Variants in ACBD6 observed in about 807,000 individuals in gnomAD.
ACBD6 encodes acyl-CoA-binding domain-containing protein 6.
A neutral mutation model predicts 37.2 loss-of-function variants in ACBD6; 28 were observed. The ratio of observed to expected loss-of-function variants is 0.75; its 90% confidence interval spans 0.56 to 1.03. The LOEUF (loss-of-function observed/expected upper bound fraction) is 1.03, where lower values mean the gene tolerates loss of function less well. Among genes scored for constraint, ACBD6 ranks in the 50% least tolerant of loss-of-function variants. The pLI is 0.00. For missense variants in ACBD6, 340 were observed against 337.4 expected (o/e 1.01, Z -0.06); for synonymous variants, 113 against 126.8 (o/e 0.89, Z 0.73).
At chr1:180,389,399 C>T (rs1266519805) in intron 6 of ACBD6, among the ~76,000 whole-genome samples, 2 of 152,038 alleles carry the variant, frequency 1.3e-5, no homozygotes, top group African/African-American at 4.8e-5. Context: ...TCCAGTCTAT[C>T]ATTGTTGGAC....
Position 180,289,719 on chromosome 1 carries a change from A to C in ACBD6, c.695-1202T>G, listed in dbSNP as rs75214322. 9.5e-3 allele frequency among the ~76,000 whole-genome samples: 1,447 copies of C among 152,338 alleles called. 21 individuals are homozygous for C. The highest frequency in any genetic ancestry group is 0.033 in the African/African-American group (1,357 of 41,572). ...AAAGTATTGATCACTTGTACAATGA[A>C]ATCCTGTAGAACACTGGAAACTAAT... On this transcript the variant is annotated intron_variant, in intron 7 of 7. Transcript: ENST00000367595.
At chr1:180,363,853 CACAAAATG>C (rs138957667) in intron 6 of ACBD6, among the ~76,000 whole-genome samples, 2,988 of 152,202 alleles carry the variant, frequency 0.02, 100 homozygotes, top group African/African-American at 0.067. Flanking sequence ...TAGAAAGCTC[CACAAAATG>C]GAGAAACCCT....
At chr1:180,302,364 T>C (rs999607936) in intron 7 of ACBD6, among the ~76,000 whole-genome samples, 2 of 152,070 alleles carry the variant, frequency 1.3e-5, no homozygotes, top group Non-Finnish European at 2.9e-5. Context: ...AATATATTCA[T>C]TTAAAAAAAA....
chr1:180,273,629 G>A (rs1648827894), intron 11 of ACBD6: 1 of 153,344 alleles, frequency 6.5e-6, no homozygotes, highest in South Asian at 2.0e-4. Context: ...TGTCCCCAGT[G>A]AAGAGCTTAT....
At chr1:180,415,435 T>C (rs1421404267) in intron 4 of ACBD6, among the ~76,000 whole-genome samples, 4 of 150,816 alleles carry the variant, frequency 2.7e-5, no homozygotes, top group Non-Finnish European at 5.9e-5. Flanking sequence ...AAAAACACCA[T>C]GTCTATGAAA....
chr1:180,470,094 C>A (rs150428748), intron 3 of ACBD6, among the ~76,000 whole-genome samples: 38 of 152,232 alleles, frequency 2.5e-4, no homozygotes, highest in African/African-American at 8.7e-4. Flanking sequence ...TCCACATTAA[C>A]ATTGTTGGTT....
chr1:180,396,989 A>T (rs1449289385), intron 6 of ACBD6, among the ~76,000 whole-genome samples: 2 of 152,208 alleles, frequency 1.3e-5, no homozygotes, highest in Non-Finnish European at 2.9e-5. Context: ...ATAAAAATAC[A>T]AGGACACAAA....
intron 5 of ACBD6, among the ~76,000 whole-genome samples, chr1:180,408,706 C>G (rs181659763): frequency 6.6e-6 from 1 of 151,718 alleles, no homozygotes; most frequent in South Asian, 2.1e-4. Context: ...GATATAATTA[C>G]GTTAGGAGGG....
downstream of ACBD6, among the ~76,000 whole-genome samples, chr1:180,283,850 C>A (rs567324082): frequency 2.0e-5 from 3 of 152,148 alleles, no homozygotes; most frequent in East Asian, 5.8e-4. Context: ...CTCATTGAAG[C>A]ATTTTGGATT....
rs1289661845 is a variant in ACBD6, at chr1:180,288,386, G to A, written c.826C>T (p.Arg276Trp). 9.3e-6 allele frequency: 15 copies of A among 1,613,516 alleles called. No homozygotes were observed. The highest frequency in any genetic ancestry group is 8.8e-5 in the South Asian group (8 of 91,052). ...GATTAAGCCTTGCCAGTTGTGTGCC[G>A]CTGCAGCACCAAAGAAACTGTTTTG... ...GCKTVSLVLQ[R>W]HTTGKA The change falls in exon 8 of 8, where the codon CGG (arginine) becomes TGG (tryptophan). Residue 276 changes from arginine to tryptophan, a missense_variant. Coordinates refer to ENST00000367595, the MANE Select transcript of ACBD6 (RefSeq NM_032360.4).
intron 6 of ACBD6, among the ~76,000 whole-genome samples, chr1:180,357,613 C>T (rs1433271932): frequency 6.6e-6 from 1 of 152,186 alleles, no homozygotes; most frequent in Non-Finnish European, 1.5e-5. Flanking sequence ...ATTAAATGAT[C>T]TAAAACAAGT....
intron 6 of ACBD6, among the ~76,000 whole-genome samples, chr1:180,372,865 G>A (rs943592665): frequency 2.0e-5 from 3 of 152,186 alleles, no homozygotes; most frequent in Admixed American, 2.0e-4. Flanking sequence ...GCCAGTGTCA[G>A]ATAATCTGTC....
chr1:180,274,139 C>G (rs752506962), intron 10 of ACBD6: 5 of 1,612,312 alleles, frequency 3.1e-6, no homozygotes. Flanking sequence ...AGGGGACCAT[C>G]AGAGTCCTGG....
intron 6 of ACBD6, among the ~76,000 whole-genome samples, chr1:180,333,719 C>T (rs899314661): frequency 8.5e-5 from 13 of 152,192 alleles, no homozygotes; most frequent in Admixed American, 2.6e-4. Flanking sequence ...GGCAAGGCAT[C>T]GCCTCACCCG....
intron 6 of ACBD6, among the ~76,000 whole-genome samples, chr1:180,367,215 T>C (rs191418815): frequency 6.6e-6 from 1 of 152,348 alleles, no homozygotes; most frequent in East Asian, 1.9e-4. Flanking sequence ...CCAGAAACTC[T>C]GCCTATGTTT....
chr1:180,478,064 C>T (rs1025032155), intron 3 of ACBD6, among the ~76,000 whole-genome samples: 2 of 151,820 alleles, frequency 1.3e-5, no homozygotes, highest in African/African-American at 2.4e-5. Flanking sequence ...TTTAGATCAC[C>T]ATATGATGCT....
chr1:180,457,459 C>G (rs1649968716), intron 3 of ACBD6, among the ~76,000 whole-genome samples: 1 of 147,206 alleles, frequency 6.8e-6, no homozygotes, highest in Non-Finnish European at 1.5e-5. Context: ...CTCTCTTACT[C>G]CATCTCATCT....
intron 3 of ACBD6, among the ~76,000 whole-genome samples, chr1:180,450,367 A>G (rs1649654255): frequency 1.3e-5 from 2 of 152,224 alleles, no homozygotes; most frequent in African/African-American, 4.8e-5. Context: ...ATGACTGGGA[A>G]GGTAGTGGGA....
In ACBD6 at chr1:180,383,176, G is replaced by A. The variant is rs56395008; in HGVS notation, c.663+14340C>T. Among the ~76,000 whole-genome samples, 933 of 152,226 alleles carry A rather than the reference G, an allele frequency of 6.1e-3. 17 individuals carry two copies. The highest frequency in any genetic ancestry group is 0.021 in the African/African-American group (891 of 41,540). The stretch of plus-strand genomic sequence containing the variant: ...CACCACTCCTATTCAACACAGTACT[G>A]GAAGTGTTAGTGAGAGCAATTAGGA... On this transcript the variant is annotated intron_variant, in intron 6 of 7. Coordinates refer to ENST00000367595, the MANE Select transcript of ACBD6 (RefSeq NM_032360.4).
Sources: allele counts gnomAD v4.1 joint callset (sites outside exome capture counted in the v4.1 genomes callset), GRCh38; gene constraint gnomAD v4.1.1; transcripts MANE v1.5; gene names NCBI Gene and HGNC (gene_info 2026-07-23, HGNC 2026-07-21).